Variants in CASK observed in about 807,000 individuals in gnomAD.
The protein encoded by CASK is peripheral plasma membrane protein CASK.
CASK carries 4 observed loss-of-function variants against 82.9 expected under a neutral mutation model. That is an observed-to-expected ratio of 0.05 (90% confidence interval 0.02 to 0.11). The LOEUF (loss-of-function observed/expected upper bound fraction) is 0.11. Ranked by LOEUF, CASK falls within the 10% of genes least tolerant of loss-of-function variation. The pLI, the probability that CASK is intolerant of heterozygous loss-of-function variation, is 1.00. For synonymous variants in CASK, 259 were observed against 253.5 expected, an observed-to-expected ratio of 1.02 and a Z score of -0.20; for missense variants, 358 against 720.9, an observed-to-expected ratio of 0.50 and a Z score of 5.76.
intron 2 of CASK, among the ~76,000 whole-genome samples, chrX:41,830,832 A>AAC (rs1346989425): frequency 1.8e-5 from 2 of 109,371 alleles, no homozygotes; most frequent in Non-Finnish European, 3.8e-5. Flanking sequence ...AAAAAAAAAA[A>AAC]AAAACAAAAG....
At chrX:41,904,010 A>C (rs1442006156) in intron 1 of CASK, among the ~76,000 whole-genome samples, 1 of 111,703 alleles carries the variant, frequency 9.0e-6, no homozygotes, top group Non-Finnish European at 1.9e-5. Flanking sequence ...TAACCTCAGA[A>C]TGAAACCCCA....
At chrX:41,921,568 T>C (rs1341129345) in intron 1 of CASK, among the ~76,000 whole-genome samples, 1 of 111,371 alleles carries the variant, frequency 9.0e-6, no homozygotes. Flanking sequence ...CACAAGCACT[T>C]TAACAGGACA....
chrX:41,733,519 C>T (rs1459599679), intron 5 of CASK, among the ~76,000 whole-genome samples: 1 of 110,843 alleles, frequency 9.0e-6, no homozygotes, highest in East Asian at 2.8e-4. Flanking sequence ...GAGGCTGAGG[C>T]GGGCAGATCA....
At chrX:41,770,395 AGGCT>A (rs754706476) in intron 3 of CASK, among the ~76,000 whole-genome samples, 1 of 108,920 alleles carries the variant, frequency 9.2e-6, no homozygotes, top group Non-Finnish European at 1.9e-5. Context: ...CTTGTTACCC[AGGCT>A]GGCTGGCTGG....
Position 41,545,318 on chromosome X carries a change from C to A in CASK, c.2040-2512G>T, listed in dbSNP as rs139458937. ...CTGGGATTACAGGCGTGAGCCACTG[C>A]GCCCGGCCTAGAACTGATTTTTGCT... On this transcript the variant is annotated intron_variant, in intron 21 of 26. Coordinates refer to ENST00000378163, the MANE Select transcript of CASK (RefSeq NM_001367721.1). 4.5e-3 allele frequency among the ~76,000 whole-genome samples: 510 copies of A among 112,374 alleles called. 4 individuals are homozygous for A. Among genetic ancestry groups the A allele is most frequent in the African/African-American group, 0.016 (490 of 30,965 alleles).
chrX:41,621,122 TAAA>T (rs1294745037), intron 11 of CASK, among the ~76,000 whole-genome samples: 1 of 100,041 alleles, frequency 1.0e-5, no homozygotes. Context: ...TTGGCTGATT[TAAA>T]AAAAAAAAAA....
chrX:41,633,894 G>T (rs1303258106), intron 9 of CASK, among the ~76,000 whole-genome samples: 1 of 110,332 alleles, frequency 9.1e-6, no homozygotes, highest in Non-Finnish European at 1.9e-5. Context: ...CAATAGCTGG[G>T]ATTACAGGCA....
chrX:41,818,320 G>A (rs180795175), intron 2 of CASK, among the ~76,000 whole-genome samples: 2 of 110,866 alleles, frequency 1.8e-5, no homozygotes, highest in Non-Finnish European at 3.8e-5. Flanking sequence ...TAAAACTACA[G>A]GGCTGGGTGC....
intron 5 of CASK, among the ~76,000 whole-genome samples, chrX:41,691,580 C>T (rs1298281976): frequency 3.7e-5 from 4 of 109,518 alleles, no homozygotes; most frequent in Non-Finnish European, 7.6e-5. Context: ...TGTGGCCTGC[C>T]GGGTGCGGTG....
Position 41,807,096 on chromosome X carries a change from T to C in CASK, c.173-19813A>G, listed in dbSNP as rs779460839. Among the ~76,000 whole-genome samples, 6 of 111,557 alleles carry C rather than the reference T, an allele frequency of 5.4e-5. No homozygotes were observed. In the South Asian group the frequency reaches 1.9e-3, roughly 35 times the overall value. On this transcript the variant is annotated intron_variant, in intron 2 of 26. Coordinates refer to ENST00000378163, the MANE Select transcript of CASK (RefSeq NM_001367721.1). ...CTAATTATTTTAGGTAAATTTTTCT[T>C]AAAAATCTTTTTATTTTGAAATAAT...
At chrX:41,812,349 C>T (rs1191812863) in intron 2 of CASK, among the ~76,000 whole-genome samples, 1 of 111,718 alleles carries the variant, frequency 9.0e-6, no homozygotes, top group Admixed American at 9.5e-5. Flanking sequence ...CAATAAAATG[C>T]TGGCAAACCG....
chrX:41,614,589 T>C (rs1000504401), intron 11 of CASK, among the ~76,000 whole-genome samples: 1 of 109,145 alleles, frequency 9.2e-6, no homozygotes, highest in Non-Finnish European at 1.9e-5. Flanking sequence ...TGGCATGATC[T>C]TGGCTCACTG....
At chrX:41,709,845 A>T (rs2067943043) in intron 5 of CASK, among the ~76,000 whole-genome samples, 1 of 111,139 alleles carries the variant, frequency 9.0e-6, no homozygotes, top group Non-Finnish European at 1.9e-5. Flanking sequence ...TTCCCTTGAC[A>T]TCTATCTCTT....
intron 8 of CASK, among the ~76,000 whole-genome samples, chrX:41,653,621 C>T (rs766280688): frequency 6.4e-4 from 72 of 111,837 alleles, no homozygotes; most frequent in Non-Finnish European, 1.1e-3. Context: ...AGTACCTCTA[C>T]GACCTGTGGT....
chrX:41,633,617 A>AC (rs1569355499), intron 9 of CASK, among the ~76,000 whole-genome samples: 1 of 107,579 alleles, frequency 9.3e-6, no homozygotes, highest in Non-Finnish European at 1.9e-5. Flanking sequence ...TTTTTTTTTA[A>AC]TGAAGTATTA....
intron 5 of CASK, among the ~76,000 whole-genome samples, chrX:41,709,688 A>G (rs1266216147): frequency 4.5e-5 from 5 of 111,757 alleles, no homozygotes; most frequent in South Asian, 7.5e-4. Context: ...AAAGCAGATC[A>G]GTGGCTGTCA....
chrX:41,850,638 T>C (rs1372305320), intron 2 of CASK, among the ~76,000 whole-genome samples: 2 of 112,004 alleles, frequency 1.8e-5, no homozygotes, highest in African/African-American at 6.5e-5. Flanking sequence ...TTTACTGTGT[T>C]AAATTTTACT....
chrX:41,754,056 T>G (rs2068845206), intron 3 of CASK, among the ~76,000 whole-genome samples: 1 of 111,258 alleles, frequency 9.0e-6, no homozygotes, highest in Non-Finnish European at 1.9e-5. Context: ...AAAATGTAGG[T>G]AAAGCAGTAC....
chrX:41,750,132 TTTGA>T (rs1462673671), intron 3 of CASK, among the ~76,000 whole-genome samples: 1 of 112,016 alleles, frequency 8.9e-6, no homozygotes, highest in African/African-American at 3.2e-5. Flanking sequence ...ATTAAAGCTA[TTTGA>T]TTATTTATAA....
Sources: allele counts gnomAD v4.1 joint callset (sites outside exome capture counted in the v4.1 genomes callset), GRCh38; gene constraint gnomAD v4.1.1; transcripts MANE v1.5; gene names NCBI Gene and HGNC (gene_info 2026-07-23, HGNC 2026-07-21).